Variants in CADM1 observed in about 807,000 individuals in gnomAD.
CADM1 encodes cell adhesion molecule 1, also known as TSLC-1.
A neutral mutation model predicts 53.1 loss-of-function variants in CADM1; 15 were observed. The observed-to-expected ratio is 0.28, with a 90% CI of 0.19 to 0.44. The LOEUF (loss-of-function observed/expected upper bound fraction) is 0.44. CADM1 is among the 20% of genes least tolerant of loss of function. The pLI is 1.00. For missense variants in CADM1, 434 were observed against 611.3 expected, an observed-to-expected ratio of 0.71 and a Z score of 3.06; for synonymous variants, 281 against 243.0, an observed-to-expected ratio of 1.16 and a Z score of -1.45.
chr11:115,483,521 T>TA (rs1797162686), intron 1 of CADM1, among the ~76,000 whole-genome samples: 1 of 152,086 alleles, frequency 6.6e-6, no homozygotes, highest in African/African-American at 2.4e-5. Flanking sequence ...AAAGGACTAT[T>TA]AAGATATTCC....
intron 1 of CADM1, among the ~76,000 whole-genome samples, chr11:115,414,951 T>C (rs1369018696): frequency 6.6e-6 from 1 of 152,236 alleles, no homozygotes; most frequent in Non-Finnish European, 1.5e-5. Context: ...GGTGACCTTT[T>C]CTAGGCATCA....
intron 1 of CADM1, among the ~76,000 whole-genome samples, chr11:115,419,118 C>G (rs1238831989): frequency 6.6e-6 from 1 of 152,192 alleles, no homozygotes; most frequent in African/African-American, 2.4e-5. Flanking sequence ...GCTACAGAAG[C>G]ATATGCTACT....
chr11:115,415,240 C>T (rs1295585977), intron 1 of CADM1, among the ~76,000 whole-genome samples: 2 of 152,164 alleles, frequency 1.3e-5, no homozygotes, highest in African/African-American at 4.8e-5. Flanking sequence ...CGAAGTAACA[C>T]ATATGAGAGC....
intron 1 of CADM1, among the ~76,000 whole-genome samples, chr11:115,376,307 A>G (rs1335002226): frequency 1.3e-5 from 2 of 152,208 alleles, no homozygotes; most frequent in Non-Finnish European, 2.9e-5. Context: ...GTTAATTACT[A>G]TATATTTATT....
rs1336275301 is a variant in CADM1, at chr11:115,181,762, T to G, written c.1166-2987A>C. ...CAGTCCGTTCTTTTATTTCCACGTG[T>G]GGGGAGGGTGGGGGAGTGTTTATAA... On this transcript the variant is annotated intron_variant, in intron 10 of 11. Transcript: ENST00000331581. Among the ~76,000 whole-genome samples, 4 of 151,538 alleles carry G rather than the reference T, an allele frequency of 2.6e-5. No individual in the cohort carries two copies. In the East Asian group the frequency reaches 5.8e-4, roughly 22 times the overall value.
At position 115,174,958 on chromosome 11, in the gene CADM1, C is replaced by G. The variant is rs1938956333; in HGVS notation, c.*1516G>C. ...GTGACTCCTCTACCTTTTCCCGAGG[C>G]TCCCCATCTAAGATATGTTCAAGGT... On this transcript the variant is annotated 3_prime_UTR_variant, in exon 12 of 12. Coordinates refer to ENST00000331581, the MANE Select transcript of CADM1 (RefSeq NM_001301043.2). 1.0e-6 allele frequency: 1 copy of G among 985,628 alleles called. No homozygotes were observed. Among genetic ancestry groups the G allele is most frequent in the Admixed American group, 6.1e-5 (1 of 16,268 alleles). 61.1% of individuals were successfully genotyped at this position (985,628 alleles called of 1,614,324 possible).
chr11:115,366,249 C>G (rs2135110278), intron 1 of CADM1, among the ~76,000 whole-genome samples: 1 of 152,302 alleles, frequency 6.6e-6, no homozygotes, highest in South Asian at 2.1e-4. Context: ...AAAAGACTTG[C>G]TAAGCAAATT....
chr11:115,208,480 T>C (rs1940801593), intron 8 of CADM1, among the ~76,000 whole-genome samples: 1 of 151,918 alleles, frequency 6.6e-6, no homozygotes, highest in Non-Finnish European at 1.5e-5. Context: ...ATATCTAGGG[T>C]GTTAAAAGGA....
intron 10 of CADM1, among the ~76,000 whole-genome samples, chr11:115,186,061 A>G (rs1939531667): frequency 3.3e-5 from 5 of 152,216 alleles, no homozygotes; most frequent in Admixed American, 3.3e-4. Context: ...ATGTTGGATT[A>G]TGAGAAAGAC....
Position 115,377,450 on chromosome 11 carries a change from C to A in CADM1, c.124+126821G>T, listed in dbSNP as rs949087895. ...AGTATGCATCTTTTTGTTAAATTTTCTTTCATGATGACACAAAACAAGGAC... is the reference window on the plus strand; with the variant it reads ...AGTATGCATCTTTTTGTTAAATTTTATTTCATGATGACACAAAACAAGGAC... On this transcript the variant is annotated intron_variant, in intron 1 of 11. Coordinates refer to ENST00000331581, the MANE Select transcript of CADM1 (RefSeq NM_001301043.2). The A allele has an allele frequency of 2.0e-5, 3 of 152,264 alleles. No homozygotes were observed. The East Asian group carries it at 5.8e-4, about 29-fold the overall frequency. The allele number at this position is 152,264 out of a possible 1,614,324, so 9.4% of individuals were successfully genotyped here. A position where few individuals can be genotyped will look rare whatever the true frequency, so the allele number is the denominator to read the frequency against.
chr11:115,229,222 C>T lies in CADM1; in HGVS notation c.612G>A (p.Gln204=). 1 of 1,614,176 alleles carries T rather than the reference C, an allele frequency of 6.2e-7. No homozygotes were observed. The highest frequency in any genetic ancestry group is 8.5e-7 in the Non-Finnish European group (1 of 1,180,008). The stretch of plus-strand genomic sequence containing the variant: ...CCTCCTTGTGCACCTTCAGCATCAG[C>T]TGACTGGTCACAGTGTACATGTCTG... ...EWSDMYTVTS[Q]LMLKVHKEDD... The change falls in exon 5 of 12, where the codon CAG becomes CAA. Residue 204 remains glutamine (Q), a synonymous_variant. Transcript: ENST00000331581.
intron 1 of CADM1, among the ~76,000 whole-genome samples, chr11:115,266,187 C>CTCA (rs1943130826): frequency 1.3e-5 from 2 of 152,218 alleles, no homozygotes; most frequent in African/African-American, 4.8e-5. Flanking sequence ...GGCTGGACTG[C>CTCA]ACCAGTTATT....
chr11:115,298,950 G>T (rs1015414716), intron 1 of CADM1, among the ~76,000 whole-genome samples: 1 of 152,094 alleles, frequency 6.6e-6, no homozygotes, highest in African/African-American at 2.4e-5. Flanking sequence ...ACACTGCCAG[G>T]TCAGACTCTC....
At chr11:115,182,219 C>A (rs1352667845) in intron 10 of CADM1, among the ~76,000 whole-genome samples, 2 of 152,142 alleles carry the variant, frequency 1.3e-5, no homozygotes, top group African/African-American at 4.8e-5. Context: ...TCTACAGCTG[C>A]CCCTAGCTTG....
Position 115,181,357 on chromosome 11 carries a change from C to T in CADM1, c.1166-2582G>A, listed in dbSNP as rs184097222. 1.5e-3 allele frequency among the ~76,000 whole-genome samples: 227 copies of T among 152,300 alleles called. 1 individual carries two copies. The highest frequency in any genetic ancestry group is 0.01 in the Middle Eastern group (3 of 294). ...CTCAGTGTTGCTATTTTTCCCTGCA[C>T]TTTGCCCAAATTAAACTAGAACCTT... On this transcript the variant is annotated intron_variant, in intron 10 of 11. Coordinates refer to ENST00000331581, the MANE Select transcript of CADM1 (RefSeq NM_001301043.2).
chr11:115,252,960 C>T (rs78569870), intron 1 of CADM1, among the ~76,000 whole-genome samples: 2,936 of 152,238 alleles, frequency 0.019, 38 homozygotes, highest in Non-Finnish European at 0.029. Context: ...GAAATATGCA[C>T]GAATACTTGG....
intron 1 of CADM1, among the ~76,000 whole-genome samples, chr11:115,483,316 GT>G (rs1168608372): frequency 1.3e-5 from 2 of 152,070 alleles, no homozygotes; most frequent in Admixed American, 1.3e-4. Context: ...AATGAATAAT[GT>G]TTTTTTCACA....
rs972557531 is a variant in CADM1, at chr11:115,225,207, G to A, written c.721+3906C>T. On this transcript the variant is annotated intron_variant, in intron 5 of 11. Coordinates refer to ENST00000331581, the MANE Select transcript of CADM1 (RefSeq NM_001301043.2). ...AAACCTTATTAATGAGCTTGCAAAC[G>A]AGCACCCAACAGGGAAATGTCACAA... Among the ~76,000 whole-genome samples the A allele has an allele frequency of 4.6e-5, 7 of 151,838 alleles. No homozygotes were observed. The South Asian group carries it at 6.3e-4, about 14-fold the overall frequency.
intron 1 of CADM1, among the ~76,000 whole-genome samples, chr11:115,267,440 T>C (rs545676899): frequency 1.1e-4 from 17 of 152,328 alleles, no homozygotes; most frequent in African/African-American, 4.1e-4. Context: ...CCTTGAGGGA[T>C]ATTTACTTAC....
Sources: allele counts gnomAD v4.1 joint callset (sites outside exome capture counted in the v4.1 genomes callset), GRCh38; gene constraint gnomAD v4.1.1; transcripts MANE v1.5; gene names NCBI Gene and HGNC (gene_info 2026-07-23, HGNC 2026-07-21).